The following STK3 variants were observed in gnomAD, a reference collection of about 807,000 sequenced individuals.
STK3 encodes the protein serine/threonine kinase 3, also known as serine/threonine-protein kinase 3.
A neutral mutation model predicts 58.0 loss-of-function variants in STK3; 41 were observed. The observed-to-expected ratio is 0.71, with a 90% CI of 0.55 to 0.92. The LOEUF is 0.92. Among genes scored for constraint, STK3 ranks in the 40% least tolerant of loss-of-function variants. The pLI, the probability that STK3 is intolerant of heterozygous loss-of-function variation, is 0.00. For synonymous variants in STK3, 170 were observed against 191.0 expected (o/e 0.89, Z 0.91); for missense variants, 479 against 602.7 (o/e 0.79, Z 2.15).
At chr8:98,780,106 T>C (rs1038582157) in intron 1 of STK3, among the ~76,000 whole-genome samples, 15 of 151,770 alleles carry the variant, frequency 9.9e-5, no homozygotes, top group Admixed American at 3.9e-4. Flanking sequence ...AAGATCACTA[T>C]TGTCATAACT....
intron 4 of STK3, among the ~76,000 whole-genome samples, chr8:98,741,811 G>A (rs186264026): frequency 1.9e-4 from 29 of 152,210 alleles, no homozygotes; most frequent in South Asian, 1.7e-3. Flanking sequence ...TTTTTGAAAG[G>A]ATCATCAAAA....
chr8:98,529,701 GA>G (rs1164514388), intron 9 of STK3, among the ~76,000 whole-genome samples: 4 of 152,162 alleles, frequency 2.6e-5, no homozygotes, highest in Non-Finnish European at 5.9e-5. Context: ...TGTGAGGAAG[GA>G]AATTCTGACA....
intron 10 of STK3, among the ~76,000 whole-genome samples, chr8:98,491,832 C>T (rs1563660392): frequency 6.6e-6 from 1 of 152,058 alleles, no homozygotes; most frequent in Non-Finnish European, 1.5e-5. Flanking sequence ...TTAAAAGCTA[C>T]AAAAAGAAAA....
At chr8:98,460,561 T>C (rs1586614042) in intron 10 of STK3, among the ~76,000 whole-genome samples, 1 of 152,180 alleles carries the variant, frequency 6.6e-6, no homozygotes, top group Admixed American at 6.5e-5. Flanking sequence ...AATGATATGG[T>C]TTGGCTGTGT....
chr8:98,936,502 C>A (rs147567061), intron 1 of STK3, among the ~76,000 whole-genome samples: 1 of 152,310 alleles, frequency 6.6e-6, no homozygotes, highest in East Asian at 1.9e-4. Flanking sequence ...CTCTAAAATA[C>A]CACTCTGCTA....
intron 6 of STK3, chr8:98,598,629 C>T: frequency 2.0e-6 from 2 of 985,256 alleles, no homozygotes; most frequent in Non-Finnish European, 2.4e-6. Flanking sequence ...AGGTATTAGG[C>T]CCCTTCTATA....
At chr8:98,475,047 C>T (rs1821206636) in intron 10 of STK3, among the ~76,000 whole-genome samples, 2 of 152,162 alleles carry the variant, frequency 1.3e-5, no homozygotes, top group Admixed American at 1.3e-4. Flanking sequence ...GTGACATACA[C>T]ATATTCAGAA....
chr8:98,586,272 T>A (rs1415394478), intron 7 of STK3, among the ~76,000 whole-genome samples: 1 of 152,228 alleles, frequency 6.6e-6, no homozygotes, highest in South Asian at 2.1e-4. Flanking sequence ...ATATATCCCA[T>A]CAATACCTAA....
At chr8:98,573,190 A>T (rs1011487435) in intron 8 of STK3, among the ~76,000 whole-genome samples, 1 of 152,192 alleles carries the variant, frequency 6.6e-6, no homozygotes, top group Non-Finnish European at 1.5e-5. Context: ...AAAGCTGGAG[A>T]AAAGGAGATT....
intron 10 of STK3, among the ~76,000 whole-genome samples, chr8:98,471,666 T>C (rs1334977533): frequency 6.6e-6 from 1 of 152,160 alleles, no homozygotes; most frequent in Non-Finnish European, 1.5e-5. Context: ...ATCACTTTCA[T>C]ATCACCAAAA....
At chr8:98,896,190 A>C (rs1027877023) in intron 1 of STK3, among the ~76,000 whole-genome samples, 10 of 152,098 alleles carry the variant, frequency 6.6e-5, no homozygotes, top group Admixed American at 5.2e-4. Context: ...CAGTACCCTA[A>C]CACCCCTCTC....
At chr8:98,836,455 G>A (rs1364089231) in intron 3 of STK3, among the ~76,000 whole-genome samples, 1 of 152,214 alleles carries the variant, frequency 6.6e-6, no homozygotes, top group East Asian at 1.9e-4. Context: ...CATCTCCAAA[G>A]TCACCACCTT....
At chr8:98,384,795 A>G (rs1202831596) in intron 1 of STK3, among the ~76,000 whole-genome samples, 1 of 152,078 alleles carries the variant, frequency 6.6e-6, no homozygotes, top group African/African-American at 2.4e-5. Context: ...GCAGCTCCAG[A>G]TCCCAGCATC....
chr8:98,598,195 T>C, intron 6 of STK3: 6 of 985,420 alleles, frequency 6.1e-6, no homozygotes, highest in Non-Finnish European at 7.2e-6. Context: ...ATTTATGTCC[T>C]TGAAGCCAAT....
chr8:98,395,281 G>T (rs944442869), intron 3 of STK3, among the ~76,000 whole-genome samples: 1 of 151,978 alleles, frequency 6.6e-6, no homozygotes, highest in Non-Finnish European at 1.5e-5. Context: ...CAAAAACGAG[G>T]AAAAATTATT....
intron 6 of STK3, among the ~76,000 whole-genome samples, chr8:98,671,462 G>T (rs1232807333): frequency 6.6e-6 from 1 of 152,056 alleles, no homozygotes. Flanking sequence ...TAGAAAGACA[G>T]CAGGAAATAA....
intron 6 of STK3, among the ~76,000 whole-genome samples, chr8:98,623,465 G>A (rs1172006864): frequency 6.6e-6 from 1 of 152,136 alleles, no homozygotes; most frequent in African/African-American, 2.4e-5. Context: ...AAGAAGAAGA[G>A]ACATTAGGAA....
chr8:98,935,107 C>T (rs781395651), intron 1 of STK3, among the ~76,000 whole-genome samples: 4 of 149,106 alleles, frequency 2.7e-5, no homozygotes, highest in African/African-American at 7.5e-5. Context: ...TCCTAGCCTC[C>T]GTTGCAGCTA....
chr8:98,668,713 C>T (rs935474687), intron 6 of STK3, among the ~76,000 whole-genome samples: 7 of 151,978 alleles, frequency 4.6e-5, no homozygotes, highest in African/African-American at 1.7e-4. Flanking sequence ...TTAAAATAAT[C>T]TCACTTGCAT....
Sources: allele counts gnomAD v4.1 joint callset (sites outside exome capture counted in the v4.1 genomes callset), GRCh38; gene constraint gnomAD v4.1.1; transcripts MANE v1.5; gene names NCBI Gene and HGNC (gene_info 2026-07-23, HGNC 2026-07-21).